Variants in DIP2C observed in about 807,000 individuals in gnomAD.
DIP2C encodes DIP2 acetate--CoA ligase C (putative), also known as disco-interacting protein 2 homolog C.
DIP2C carries 33 observed loss-of-function variants against 192.4 expected under a neutral mutation model. The ratio of observed to expected loss-of-function variants is 0.17; its 90% CI spans 0.13 to 0.23. The LOEUF is 0.23. Ranked by LOEUF, DIP2C falls within the 10% of genes least tolerant of loss-of-function variation. The pLI, the probability that DIP2C is intolerant of heterozygous loss-of-function variation, is 1.00. For missense variants in DIP2C, 1,537 were observed against 2,110.1 expected, an observed-to-expected ratio of 0.73 and a Z score of 5.32; for synonymous variants, 979 against 864.1, an observed-to-expected ratio of 1.13 and a Z score of -2.33.
At chr10:610,078 GTGCC>G (rs1852969995) in intron 1 of DIP2C, among the ~76,000 whole-genome samples, 1 of 152,192 alleles carries the variant, frequency 6.6e-6, no homozygotes, top group African/African-American at 2.4e-5. Context: ...AATCACCTGA[GTGCC>G]GGTCAACAGG....
At chr10:614,301 G>A (rs1853296418) in intron 1 of DIP2C, among the ~76,000 whole-genome samples, 1 of 152,210 alleles carries the variant, frequency 6.6e-6, no homozygotes, top group African/African-American at 2.4e-5. Context: ...CATTTCCCCT[G>A]GAGACTCGGA....
chr10:678,446 G>A (rs149178005), intron 1 of DIP2C, among the ~76,000 whole-genome samples: 51 of 151,690 alleles, frequency 3.4e-4, no homozygotes, highest in African/African-American at 1.1e-3. Context: ...GCATCTGTCA[G>A]AGCAGAGGAA....
At chr10:277,598 C>A (rs1445502583) in intron 36 of DIP2C, 21 bp from the exon 37 acceptor site, 2 of 1,611,742 alleles carry the variant, frequency 1.2e-6, no homozygotes, top group Non-Finnish European at 8.5e-7. Flanking sequence ...GAAAAGAAAG[C>A]CATCATTATA....
intron 1 of DIP2C, among the ~76,000 whole-genome samples, chr10:626,457 G>GGGTT (rs369658675): frequency 1.1e-3 from 160 of 150,730 alleles, no homozygotes; most frequent in African/African-American, 3.8e-3. Context: ...CCCGTCCCCG[G>GGGTT]AGTTACCCTC....
chr10:683,888 T>C (rs1831221634), intron 1 of DIP2C, among the ~76,000 whole-genome samples: 1 of 152,196 alleles, frequency 6.6e-6, no homozygotes, highest in South Asian at 2.1e-4. Flanking sequence ...AGGAAGACAG[T>C]GACTCACAGA....
At chr10:319,805 A>T (rs1429916741) in intron 31 of DIP2C, among the ~76,000 whole-genome samples, 1 of 152,144 alleles carries the variant, frequency 6.6e-6, no homozygotes, top group Non-Finnish European at 1.5e-5. Flanking sequence ...TTACTTCTAA[A>T]TTTTGTTCTG....
intron 1 of DIP2C, chr10:667,956 A>C (rs560798217): frequency 6.6e-6 from 1 of 152,360 alleles, no homozygotes; most frequent in South Asian, 2.1e-4. Flanking sequence ...ACCACACACA[A>C]CACACGCAAC....
At chr10:586,842 C>G (rs1360668198) in intron 1 of DIP2C, among the ~76,000 whole-genome samples, 4 of 137,118 alleles carry the variant, frequency 2.9e-5, no homozygotes, top group Non-Finnish European at 4.4e-5. Context: ...TGCTGCCCCC[C>G]ACATTTTGTG....
intron 9 of DIP2C, among the ~76,000 whole-genome samples, chr10:404,615 G>A (rs973841631): frequency 2.0e-5 from 3 of 152,172 alleles, no homozygotes; most frequent in African/African-American, 7.2e-5. Context: ...ATCTAAGTAA[G>A]CAGGCTGACA....
chr10:589,737 T>C (rs1043009201), intron 1 of DIP2C, among the ~76,000 whole-genome samples: 1 of 152,170 alleles, frequency 6.6e-6, no homozygotes, highest in African/African-American at 2.4e-5. Flanking sequence ...AATACTCTAA[T>C]GAGATTCTTC....
intron 10 of DIP2C, among the ~76,000 whole-genome samples, chr10:392,613 C>A (rs1963561239): frequency 6.6e-6 from 1 of 152,218 alleles, no homozygotes; most frequent in Admixed American, 6.5e-5. Context: ...TCTGCCCAGC[C>A]CTGGCCAGTG....
At chr10:561,093 T>C (rs142139081) in intron 1 of DIP2C, among the ~76,000 whole-genome samples, 39 of 152,330 alleles carry the variant, frequency 2.6e-4, no homozygotes, top group East Asian at 7.7e-4. Flanking sequence ...ATTTATTTGA[T>C]TGATGTCTCA....
intron 17 of DIP2C, among the ~76,000 whole-genome samples, chr10:373,222 A>G (rs1961200710): frequency 6.6e-6 from 1 of 152,188 alleles, no homozygotes; most frequent in African/African-American, 2.4e-5. Context: ...CTTTTTATAA[A>G]AACTTAGAAG....
intron 1 of DIP2C, among the ~76,000 whole-genome samples, chr10:486,736 T>C (rs1476233231): frequency 2.0e-5 from 3 of 152,202 alleles, no homozygotes; most frequent in Non-Finnish European, 2.9e-5. Context: ...CTAAAACTCA[T>C]TTGTTAAACA....
chr10:355,274 GACA>G (rs776333802), intron 24 of DIP2C, among the ~76,000 whole-genome samples: 4 of 152,222 alleles, frequency 2.6e-5, no homozygotes, highest in East Asian at 1.9e-4. Flanking sequence ...CAGCATCCGT[GACA>G]ACGTCAAGAC....
chr10:468,109 AAG>A (rs1252779822), intron 3 of DIP2C, among the ~76,000 whole-genome samples: 1 of 152,202 alleles, frequency 6.6e-6, no homozygotes, highest in Non-Finnish European at 1.5e-5. Flanking sequence ...GTTCAGGAGA[AAG>A]AAAAAAGCAG....
At chr10:571,385 C>T (rs1849799156) in intron 1 of DIP2C, among the ~76,000 whole-genome samples, 2 of 152,194 alleles carry the variant, frequency 1.3e-5, no homozygotes, top group South Asian at 4.1e-4. Context: ...AGCTGTGACG[C>T]ACCCGCGAGG....
chr10:522,264 G>GT (rs1244040474), intron 1 of DIP2C, among the ~76,000 whole-genome samples: 5 of 152,220 alleles, frequency 3.3e-5, no homozygotes, highest in African/African-American at 1.2e-4. Flanking sequence ...TAGTGGTCCA[G>GT]TTCTTTTTAG....
At chr10:458,668 A>G (rs1969505577) in intron 3 of DIP2C, among the ~76,000 whole-genome samples, 1 of 151,456 alleles carries the variant, frequency 6.6e-6, no homozygotes. Flanking sequence ...GATGTCCTCT[A>G]CATTCCTGCC....
Sources: allele counts gnomAD v4.1 joint callset (sites outside exome capture counted in the v4.1 genomes callset), GRCh38; gene constraint gnomAD v4.1.1; transcripts MANE v1.5; gene names NCBI Gene and HGNC (gene_info 2026-07-23, HGNC 2026-07-21).